The following TFDP2 variants were observed in gnomAD, a reference collection of about 807,000 sequenced individuals.
The protein encoded by TFDP2 is transcription factor Dp-2, also known as transcription factor Dp-2 (E2F dimerization partner 2).
TFDP2 carries 17 observed loss-of-function variants against 59.3 expected under a neutral mutation model. That is an observed-to-expected ratio of 0.29 (90% CI 0.20 to 0.43). The LOEUF is 0.43. Ranked by LOEUF, TFDP2 falls within the 20% of genes least tolerant of loss-of-function variation. The pLI is 1.00. For synonymous variants in TFDP2, 180 were observed against 194.7 expected (o/e 0.92, Z 0.63); for missense variants, 391 against 528.8 (o/e 0.74, Z 2.56).
chr3:142,054,795 C>T (rs1304584634), intron 3 of TFDP2, among the ~76,000 whole-genome samples: 1 of 152,138 alleles, frequency 6.6e-6, no homozygotes, highest in Non-Finnish European at 1.5e-5. Context: ...TTATGAGATT[C>T]ACTTTTCTTA....
At chr3:141,968,008 T>G (rs2107944352) in intron 9 of TFDP2, among the ~76,000 whole-genome samples, 1 of 151,678 alleles carries the variant, frequency 6.6e-6, no homozygotes, top group Admixed American at 6.6e-5. Flanking sequence ...TTGAAGAAAT[T>G]CCAGGAGGGC....
At chr3:141,968,248 AT>A (rs1407043718) in intron 9 of TFDP2, among the ~76,000 whole-genome samples, 1 of 138,750 alleles carries the variant, frequency 7.2e-6, no homozygotes, top group Non-Finnish European at 1.5e-5. Context: ...TATTATTTAT[AT>A]ATTATATATT....
chr3:142,084,930 A>AT (rs137867478), intron 3 of TFDP2, among the ~76,000 whole-genome samples: 5 of 151,384 alleles, frequency 3.3e-5, no homozygotes, highest in Non-Finnish European at 7.4e-5. Context: ...TTTTATTTTT[A>AT]TTTTTTTTGA....
intron 3 of TFDP2, among the ~76,000 whole-genome samples, chr3:142,009,850 A>C (rs1391291308): frequency 6.6e-6 from 1 of 152,162 alleles, no homozygotes; most frequent in African/African-American, 2.4e-5. Context: ...GAGACAAGAG[A>C]CTATCCATTT....
chr3:142,023,285 A>G (rs113173097), intron 3 of TFDP2, among the ~76,000 whole-genome samples: 10,552 of 150,944 alleles, frequency 0.07, 474 homozygotes, highest in Non-Finnish European at 0.11. Context: ...CCCGCGTTCA[A>G]GTGAATCTCC....
chr3:142,141,813 ACT>A (rs1355696022), intron 1 of TFDP2, among the ~76,000 whole-genome samples: 1 of 151,586 alleles, frequency 6.6e-6, no homozygotes, highest in African/African-American at 2.4e-5. Flanking sequence ...ACAGAGCAAG[ACT>A]CTGTCTCAAG....
intron 9 of TFDP2, among the ~76,000 whole-genome samples, chr3:141,969,236 TATATATATATAAC>T (rs1939290347): frequency 1.0e-5 from 1 of 98,098 alleles, no homozygotes; most frequent in South Asian, 2.8e-4. Flanking sequence ...ATATGAGATA[TATATATATATAAC>T]ATATATATAT....
intron 6 of TFDP2, among the ~76,000 whole-genome samples, chr3:141,990,893 C>T (rs1036580353): frequency 1.3e-5 from 2 of 152,066 alleles, no homozygotes; most frequent in Admixed American, 6.6e-5. Flanking sequence ...CCCGTCTCTA[C>T]TGAAAATACA....
chr3:142,073,457 A>ACCCCC (rs34003718), intron 3 of TFDP2, among the ~76,000 whole-genome samples: 1 of 14,066 alleles, frequency 7.1e-5, no homozygotes, highest in African/African-American at 1.9e-4. Context: ...CAAACAAACA[A>ACCCCC]CCCCCCCCCC....
At chr3:141,992,071 A>AAAGG (rs1942838528) in intron 6 of TFDP2, among the ~76,000 whole-genome samples, 1 of 148,462 alleles carries the variant, frequency 6.7e-6, no homozygotes, top group Non-Finnish European at 1.5e-5. Flanking sequence ...GAAAAGAAAG[A>AAAGG]AAGAAAGAAG....
chr3:142,096,632 C>A (rs2061172295), intron 2 of TFDP2, among the ~76,000 whole-genome samples: 1 of 152,118 alleles, frequency 6.6e-6, no homozygotes. Flanking sequence ...TACTATATAA[C>A]CAGTCACTAT....
intron 3 of TFDP2, among the ~76,000 whole-genome samples, chr3:142,013,811 C>T (rs73232644): frequency 0.012 from 1,810 of 148,796 alleles, 14 homozygotes; most frequent in Non-Finnish European, 0.02. Flanking sequence ...GTTCCAGTTA[C>T]AATTAATCAC....
intron 6 of TFDP2, among the ~76,000 whole-genome samples, chr3:141,983,779 T>TATTC (rs952311163): frequency 2.6e-5 from 4 of 151,978 alleles, no homozygotes; most frequent in African/African-American, 9.7e-5. Context: ...CCCATTAGAA[T>TATTC]GGCTATTAAA....
intron 3 of TFDP2, among the ~76,000 whole-genome samples, chr3:142,019,052 C>T (rs1256877933): frequency 1.8e-5 from 1 of 56,650 alleles, no homozygotes; most frequent in Non-Finnish European, 3.0e-5. Flanking sequence ...ATTCTTCGCA[C>T]ATTTTTTTTT....
At chr3:142,135,787 C>A (rs546261446) in intron 1 of TFDP2, among the ~76,000 whole-genome samples, 97 of 152,184 alleles carry the variant, frequency 6.4e-4, no homozygotes, top group African/African-American at 2.2e-3. Flanking sequence ...GCCACAATTT[C>A]TTAATCCAGT....
Position 141,951,599 on chromosome 3 carries a change from AT to A in TFDP2, c.*913del, listed in dbSNP as rs1450936192. ...ATTGCACACTGGGTGAGATCATACAATTACTGCAGGGAACTGTAGGCAAGCA... is the reference window on the plus strand; with the variant it reads ...ATTGCACACTGGGTGAGATCATACAATACTGCAGGGAACTGTAGGCAAGCA... On this transcript the variant is annotated 3_prime_UTR_variant, in exon 13 of 13. Transcript: ENST00000489671. The A allele has an allele frequency of 5.2e-5, 8 of 152,670 alleles. No individual in the cohort carries two copies. Among genetic ancestry groups the A allele is most frequent in the Admixed American group, 5.2e-4 (8 of 15,280 alleles). The allele number at this position is 152,670 out of a possible 1,614,324, so 9.5% of individuals were successfully genotyped here.
chr3:142,100,465 C>T (rs1576983462), intron 2 of TFDP2, among the ~76,000 whole-genome samples: 4 of 152,202 alleles, frequency 2.6e-5, no homozygotes, highest in Admixed American at 2.0e-4. Context: ...CTCCGCCTCC[C>T]GGGTTCAAGG....
intron 6 of TFDP2, among the ~76,000 whole-genome samples, chr3:141,990,005 C>T (rs148698988): frequency 2.7e-5 from 4 of 150,632 alleles, no homozygotes; most frequent in African/African-American, 4.9e-5. Context: ...GCAATTCTTG[C>T]GCCTCAGCCT....
chr3:142,095,697 A>C (rs918088041), intron 2 of TFDP2, among the ~76,000 whole-genome samples: 9 of 152,228 alleles, frequency 5.9e-5, no homozygotes, highest in South Asian at 4.1e-4. Flanking sequence ...GCTCACAAAT[A>C]ATGTTAAATA....
Sources: allele counts gnomAD v4.1 joint callset (sites outside exome capture counted in the v4.1 genomes callset), GRCh38; gene constraint gnomAD v4.1.1; transcripts MANE v1.5; gene names NCBI Gene and HGNC (gene_info 2026-07-23, HGNC 2026-07-21).